CDK14: variants seen among roughly 807,000 people sequenced by gnomAD.
CDK14 encodes cyclin dependent kinase 14.
In CDK14, 34 loss-of-function variants were observed where a neutral mutation model predicts 60.7. The observed-to-expected ratio is 0.56, with a 90% CI of 0.43 to 0.75. The LOEUF is 0.75. CDK14 is among the 30% of genes least tolerant of loss of function. CDK14 has a pLI of 0.00. For missense variants in CDK14, 482 were observed against 564.1 expected, an observed-to-expected ratio of 0.85 and a Z score of 1.47; for synonymous variants, 197 against 203.7, an observed-to-expected ratio of 0.97 and a Z score of 0.28.
intron 10 of CDK14, among the ~76,000 whole-genome samples, chr7:91,013,607 T>C (rs1184179533): frequency 6.6e-6 from 1 of 151,948 alleles, no homozygotes; most frequent in Non-Finnish European, 1.5e-5. Context: ...CAATTACCAG[T>C]GTTTTTAAGG....
chr7:91,096,589 A>T (rs978633940), intron 12 of CDK14, among the ~76,000 whole-genome samples: 10 of 152,226 alleles, frequency 6.6e-5, no homozygotes, highest in South Asian at 6.2e-4. Flanking sequence ...GAAAATATAA[A>T]TTTTTTTATC....
At chr7:90,641,910 C>T (rs1270175063) in intron 2 of CDK14, among the ~76,000 whole-genome samples, 1 of 152,200 alleles carries the variant, frequency 6.6e-6, no homozygotes, top group Non-Finnish European at 1.5e-5. Context: ...AGGCACATCT[C>T]ACATGGTGGC....
intron 5 of CDK14, among the ~76,000 whole-genome samples, chr7:90,852,601 A>G (rs767280032): frequency 6.6e-6 from 1 of 152,166 alleles, no homozygotes; most frequent in Non-Finnish European, 1.5e-5. Flanking sequence ...CTTAGATTAA[A>G]TATCTCATAA....
At chr7:90,620,441 A>C (rs1055470734) in intron 2 of CDK14, among the ~76,000 whole-genome samples, 1 of 152,076 alleles carries the variant, frequency 6.6e-6, no homozygotes. Flanking sequence ...GAACAACCTC[A>C]GAATCTGGGT....
chr7:90,892,327 A>G (rs1181913891), intron 6 of CDK14, among the ~76,000 whole-genome samples: 1 of 152,196 alleles, frequency 6.6e-6, no homozygotes, highest in Non-Finnish European at 1.5e-5. Flanking sequence ...TAAAATGGAC[A>G]TTATATACGT....
intron 14 of CDK14, among the ~76,000 whole-genome samples, chr7:91,156,478 G>T (rs938758808): frequency 4.7e-5 from 7 of 150,404 alleles, no homozygotes; most frequent in Non-Finnish European, 1.0e-4. Context: ...TTTTCTTCTC[G>T]CTCTCTCTTG....
intron 5 of CDK14, among the ~76,000 whole-genome samples, chr7:90,795,663 A>C (rs1788391123): frequency 6.6e-6 from 1 of 152,074 alleles, no homozygotes; most frequent in Non-Finnish European, 1.5e-5. Context: ...GAGGGAGATA[A>C]GGTTAAAAGT....
intron 2 of CDK14, among the ~76,000 whole-genome samples, chr7:90,706,499 A>G (rs953030227): frequency 6.6e-6 from 1 of 152,208 alleles, no homozygotes; most frequent in Non-Finnish European, 1.5e-5. Flanking sequence ...CGAGAAGTCC[A>G]TGCTCTTAAG....
At chr7:91,181,210 C>G (rs1006695598) in intron 14 of CDK14, among the ~76,000 whole-genome samples, 32 of 152,192 alleles carry the variant, frequency 2.1e-4, no homozygotes, top group African/African-American at 7.7e-4. Context: ...CCCTCCGTCT[C>G]CCTTTTTCTC....
At chr7:90,898,418 G>T (rs547054058) in intron 6 of CDK14, among the ~76,000 whole-genome samples, 1 of 152,216 alleles carries the variant, frequency 6.6e-6, no homozygotes. Context: ...CAAGGTTCTT[G>T]AATGTATTAT....
chr7:90,993,336 AAT>A (rs1795589767), intron 10 of CDK14, among the ~76,000 whole-genome samples: 1 of 152,158 alleles, frequency 6.6e-6, no homozygotes, highest in Non-Finnish European at 1.5e-5. Context: ...TTTTACAATC[AAT>A]ATTCATATAT....
chr7:90,651,259 G>A (rs1800633171), intron 2 of CDK14, among the ~76,000 whole-genome samples: 1 of 152,106 alleles, frequency 6.6e-6, no homozygotes, highest in South Asian at 2.1e-4. Flanking sequence ...CTAGCCTATA[G>A]TTTCTTTAGG....
chr7:91,076,193 G>T (rs1378183638), intron 11 of CDK14, among the ~76,000 whole-genome samples: 1 of 131,572 alleles, frequency 7.6e-6, no homozygotes, highest in Non-Finnish European at 1.5e-5. Flanking sequence ...AACAAAGCTG[G>T]AGGCATCATG....
At chr7:91,129,990 T>G (rs1450564405) in intron 14 of CDK14, among the ~76,000 whole-genome samples, 1 of 152,132 alleles carries the variant, frequency 6.6e-6, no homozygotes, top group Non-Finnish European at 1.5e-5. Context: ...ATACGAAGAG[T>G]TCATTGATAT....
At chr7:90,821,038 A>G (rs1789526738) in intron 5 of CDK14, among the ~76,000 whole-genome samples, 1 of 152,160 alleles carries the variant, frequency 6.6e-6, no homozygotes, top group African/African-American at 2.4e-5. Flanking sequence ...TTTCATTGCT[A>G]TTATCCTATT....
chr7:91,190,876 G>A (rs1157628516), intron 14 of CDK14, among the ~76,000 whole-genome samples: 1 of 152,180 alleles, frequency 6.6e-6, no homozygotes, highest in East Asian at 1.9e-4. Flanking sequence ...GACTTGGGTG[G>A]TATCAGGCAT....
chr7:90,809,915 AC>A (rs1169358901), intron 5 of CDK14, among the ~76,000 whole-genome samples: 3 of 152,164 alleles, frequency 2.0e-5, no homozygotes, highest in Non-Finnish European at 4.4e-5. Context: ...CCAAGACTAA[AC>A]CAGGAAGAAG....
chr7:91,047,616 T>C (rs1797275929), intron 11 of CDK14, among the ~76,000 whole-genome samples: 1 of 152,224 alleles, frequency 6.6e-6, no homozygotes, highest in Non-Finnish European at 1.5e-5. Context: ...GTTTAAGTTA[T>C]TAACATTATG....
At position 91,051,108 on chromosome 7, in the gene CDK14, T is replaced by C. The variant is rs371132574; in HGVS notation, c.1105+5148T>C. On this transcript the variant is annotated intron_variant, in intron 11 of 14. Transcript: ENST00000380050. Reference sequence around the variant, plus strand: ...AAATATGTACAGTAATACACACAAATATTAAAATATTACACCAATACAAGG... The same window carrying C: ...AAATATGTACAGTAATACACACAAACATTAAAATATTACACCAATACAAGG... 3.3e-5 allele frequency among the ~76,000 whole-genome samples: 5 copies of C among 152,310 alleles called. No individual in the cohort carries two copies. In the East Asian group the frequency reaches 9.7e-4, roughly 29 times the overall value.
Sources: allele counts gnomAD v4.1 joint callset (sites outside exome capture counted in the v4.1 genomes callset), GRCh38; gene constraint gnomAD v4.1.1; transcripts MANE v1.5; gene names NCBI Gene and HGNC (gene_info 2026-07-23, HGNC 2026-07-21).